GRIN3A: variants seen among roughly 807,000 people sequenced by gnomAD.
GRIN3A encodes the protein glutamate ionotropic receptor NMDA type subunit 3A.
GRIN3A carries 47 observed loss-of-function variants against 92.4 expected under a neutral mutation model. The observed-to-expected ratio is 0.51, with a 90% CI of 0.40 to 0.65. GRIN3A has a LOEUF of 0.65. Among genes scored for constraint, GRIN3A ranks in the 30% least tolerant of loss-of-function variants. The probability of loss-of-function intolerance (pLI) is 0.00; values close to 1 mark genes in which losing one functional copy is unlikely to be tolerated. For missense variants in GRIN3A, 1,324 were observed against 1,393.1 expected (o/e 0.95, Z 0.79); for synonymous variants, 527 against 540.6 (o/e 0.97, Z 0.35).
chr9:101,645,841 A>G (rs1159184446), intron 3 of GRIN3A, among the ~76,000 whole-genome samples: 4 of 151,292 alleles, frequency 2.6e-5, no homozygotes, highest in Non-Finnish European at 1.5e-5. Context: ...GCATTTTTTC[A>G]TATACCTGTT....
At chr9:101,655,851 A>G (rs1829083227) in intron 3 of GRIN3A, among the ~76,000 whole-genome samples, 1 of 152,024 alleles carries the variant, frequency 6.6e-6, no homozygotes, top group African/African-American at 2.4e-5. Context: ...GTAAAAATGA[A>G]AAGAAAATAA....
At chr9:101,675,264 A>C (rs1037376537) in intron 2 of GRIN3A, among the ~76,000 whole-genome samples, 1 of 152,014 alleles carries the variant, frequency 6.6e-6, no homozygotes, top group African/African-American at 2.4e-5. Flanking sequence ...CCAATATGTC[A>C]CTAATTAAGA....
intron 1 of GRIN3A, among the ~76,000 whole-genome samples, chr9:101,730,157 T>G (rs1178639649): frequency 6.6e-6 from 1 of 152,170 alleles, no homozygotes; most frequent in Non-Finnish European, 1.5e-5. Flanking sequence ...CAAAGTTCAC[T>G]TCTTTGCTGA....
intron 1 of GRIN3A, among the ~76,000 whole-genome samples, chr9:101,718,336 C>T (rs1321777656): frequency 1.3e-5 from 2 of 151,760 alleles, no homozygotes; most frequent in Admixed American, 6.6e-5. Context: ...GGCCAGTGTA[C>T]CATGCACAGA....
intron 6 of GRIN3A, among the ~76,000 whole-genome samples, chr9:101,606,817 G>A (rs1457815173): frequency 6.6e-6 from 1 of 151,436 alleles, no homozygotes; most frequent in African/African-American, 2.4e-5. Flanking sequence ...GTGGTCGGCT[G>A]CCTTGCTTTC....
intron 3 of GRIN3A, among the ~76,000 whole-genome samples, chr9:101,638,548 C>T (rs1828813018): frequency 6.6e-6 from 1 of 152,194 alleles, no homozygotes; most frequent in African/African-American, 2.4e-5. Flanking sequence ...CAAATTATTT[C>T]ACCACTGGTG....
At chr9:101,660,282 T>A (rs1216128212) in intron 3 of GRIN3A, among the ~76,000 whole-genome samples, 1 of 151,876 alleles carries the variant, frequency 6.6e-6, no homozygotes, top group Non-Finnish European at 1.5e-5. Flanking sequence ...AAGCAAATTA[T>A]ATACAATGAT....
intron 5 of GRIN3A, among the ~76,000 whole-genome samples, chr9:101,615,687 C>A (rs1478463868): frequency 6.6e-6 from 1 of 152,112 alleles, no homozygotes; most frequent in Non-Finnish European, 1.5e-5. Flanking sequence ...CCAAGTGATA[C>A]ACATTCTGGC....
In GRIN3A at chr9:101,714,232, T is replaced by C. The variant is rs546390756; in HGVS notation, c.699+23049A>G. Among the ~76,000 whole-genome samples the C allele has an allele frequency of 4.6e-5, 7 of 152,166 alleles. No individual in the cohort carries two copies. In the South Asian group the frequency reaches 1.2e-3, roughly 27 times the overall value. ...AACAAGCAGGATAATTTGATTTTTA[T>C]GAAACATGAAAAATTCACTAGAGAA... On this transcript the variant is annotated intron_variant, in intron 1 of 8. Coordinates refer to ENST00000361820, the MANE Select transcript of GRIN3A (RefSeq NM_133445.3).
intron 2 of GRIN3A, among the ~76,000 whole-genome samples, chr9:101,681,612 C>T (rs1189183705): frequency 2.0e-5 from 3 of 152,206 alleles, no homozygotes; most frequent in Non-Finnish European, 4.4e-5. Context: ...TTTACAGGAT[C>T]CAAGTCCAGT....
Position 101,613,378 on chromosome 9 carries a change from C to G in GRIN3A, c.2764G>C (p.Glu922Gln). 3 of 1,614,166 alleles carry G rather than the reference C, an allele frequency of 1.9e-6. No homozygotes were observed. In the South Asian group the frequency reaches 3.3e-5, roughly 18 times the overall value. ...CATTTTCAACAGTCTTTCCATACCTCCGTGACAGCAAAACTTCTCTTGCCA... is the reference window on the plus strand; with the variant it reads ...CATTTTCAACAGTCTTTCCATACCTGCGTGACAGCAAAACTTCTCTTGCCA... Reference protein sequence around the residue: ...PCGKRSFAVTETLQMGIKHFS... With the variant: ...PCGKRSFAVTQTLQMGIKHFS... The change falls in exon 6 of 9, where the codon GAG becomes CAG. Residue 922 changes from glutamate to glutamine, a missense_variant and splice_region_variant. By Grantham distance (29) the Glu-to-Gln change is conservative. Coordinates refer to ENST00000361820, the MANE Select transcript of GRIN3A (RefSeq NM_133445.3).
chr9:101,591,097 A>G (rs772490345), intron 6 of GRIN3A, among the ~76,000 whole-genome samples: 1 of 152,200 alleles, frequency 6.6e-6, no homozygotes, highest in Non-Finnish European at 1.5e-5. Flanking sequence ...ACATATTGTG[A>G]CTGATCTCTA....
chr9:101,582,366 G>T (rs567999761), intron 6 of GRIN3A, among the ~76,000 whole-genome samples: 1 of 152,174 alleles, frequency 6.6e-6, no homozygotes, highest in Non-Finnish European at 1.5e-5. Context: ...GGAAAGACTA[G>T]AGCTGAGCAG....
At chr9:101,639,040 G>A (rs533670901) in intron 3 of GRIN3A, among the ~76,000 whole-genome samples, 52 of 152,270 alleles carry the variant, frequency 3.4e-4, no homozygotes, top group African/African-American at 1.2e-3. Flanking sequence ...TACGAGGTAG[G>A]CTCTGTTAAT....
chr9:101,600,968 A>T (rs1388329911), intron 6 of GRIN3A: 1 of 152,246 alleles, frequency 6.6e-6, no homozygotes, highest in Admixed American at 6.5e-5. Context: ...GGCATTAAAG[A>T]ATTATAATTA....
At chr9:101,716,106 A>G (rs1829943546) in intron 1 of GRIN3A, among the ~76,000 whole-genome samples, 1 of 145,594 alleles carries the variant, frequency 6.9e-6, no homozygotes, top group South Asian at 2.2e-4. Flanking sequence ...TGGAAACACT[A>G]AAGAGTGGAA....
chr9:101,607,477 G>T (rs1423303552), intron 6 of GRIN3A, among the ~76,000 whole-genome samples: 4 of 152,132 alleles, frequency 2.6e-5, no homozygotes, highest in Non-Finnish European at 5.9e-5. Context: ...CAGGTGTCAG[G>T]GGCACCTGTT....
intron 1 of GRIN3A, among the ~76,000 whole-genome samples, chr9:101,694,689 T>TA (rs946121700): frequency 1.3e-5 from 2 of 152,252 alleles, no homozygotes; most frequent in East Asian, 1.9e-4. Flanking sequence ...TTTTGGGGCT[T>TA]AAAAAATGCC....
At chr9:101,602,327 G>T (rs778848345) in intron 6 of GRIN3A, among the ~76,000 whole-genome samples, 2 of 152,056 alleles carry the variant, frequency 1.3e-5, no homozygotes, top group Non-Finnish European at 2.9e-5. Flanking sequence ...GTAACAACTC[G>T]CATCAATAGC....
Sources: gnomAD v4.1 joint callset for allele counts (sites outside exome capture counted in the v4.1 genomes callset) on GRCh38, gnomAD v4.1.1 for gene constraint, MANE v1.5 for transcripts, NCBI Gene and HGNC (gene_info 2026-07-23, HGNC 2026-07-21) for gene names.